The following TMEM229B variants were observed in gnomAD, a reference collection of about 807,000 sequenced individuals.
TMEM229B encodes transmembrane protein 229B.
Under a neutral mutation model 13.7 loss-of-function variants are expected in TMEM229B, and 6 were observed. The ratio of observed to expected loss-of-function variants is 0.44; its 90% CI spans 0.24 to 0.86. TMEM229B has a LOEUF of 0.86. Ranked by LOEUF, TMEM229B falls within the 40% of genes least tolerant of loss-of-function variation. The pLI, the probability that TMEM229B is intolerant of heterozygous loss-of-function variation, is 0.23. For missense variants in TMEM229B, 170 were observed against 236.0 expected (o/e 0.72, Z 1.83); for synonymous variants, 107 against 102.1 (o/e 1.05, Z -0.29).
In TMEM229B at chr14:67,505,845, G is replaced by A. The variant is rs368619701; in HGVS notation, c.-192+9241C>T. ...CATCAGCCTCCCTGGGATTACAGGC[G>A]CCCGCCACCATGCCTATCTAATTTT... On this transcript the variant is annotated intron_variant, in intron 1 of 2. Transcript: ENST00000357461. Among the ~76,000 whole-genome samples the A allele has an allele frequency of 4.6e-5, 7 of 151,944 alleles. No homozygotes were observed. In the East Asian group the frequency reaches 5.8e-4, roughly 13 times the overall value.
chr14:67,503,756 T>C (rs545039653), intron 1 of TMEM229B, among the ~76,000 whole-genome samples: 38 of 152,194 alleles, frequency 2.5e-4, no homozygotes, highest in Admixed American at 3.9e-4. Context: ...CAGGCTGGAG[T>C]ACAGTCGTGC....
At chr14:67,486,006 A>G (rs1404467131) in intron 2 of TMEM229B, among the ~76,000 whole-genome samples, 1 of 152,236 alleles carries the variant, frequency 6.6e-6, no homozygotes, top group Non-Finnish European at 1.5e-5. Flanking sequence ...GCTTCTGGGC[A>G]GAGTCCAGTC....
At chr14:67,511,231 T>C (rs2140240727) in intron 1 of TMEM229B, among the ~76,000 whole-genome samples, 1 of 152,258 alleles carries the variant, frequency 6.6e-6, no homozygotes, top group East Asian at 1.9e-4. Flanking sequence ...GATAATCCAG[T>C]ATGTTCTGAA....
intron 1 of TMEM229B, among the ~76,000 whole-genome samples, chr14:67,532,920 G>A (rs887093619): frequency 6.6e-6 from 1 of 151,806 alleles, no homozygotes; most frequent in African/African-American, 2.4e-5. Flanking sequence ...GCAGATCCCC[G>A]GGGCGCTCTG....
chr14:67,527,323 G>A lies in TMEM229B; in HGVS notation c.-192+6313C>T, dbSNP rs149940072. 8.4e-3 allele frequency among the ~76,000 whole-genome samples: 1,284 copies of A among 152,294 alleles called. 54 individuals carry two copies. The highest frequency in any genetic ancestry group is 0.075 in the Admixed American group (1,151 of 15,294). On this transcript the variant is annotated intron_variant, in intron 1 of 2. Coordinates refer to the TMEM229B transcript ENST00000554278. ...GGAGATAAAAATGGCTTCAGCTCCA[G>A]AGAATTGTGAGAATTAAGATGATTC...
intron 1 of TMEM229B, among the ~76,000 whole-genome samples, chr14:67,497,662 G>A (rs984163997): frequency 1.1e-4 from 16 of 152,168 alleles, no homozygotes; most frequent in African/African-American, 3.9e-4. Flanking sequence ...TTTAACACAT[G>A]CTGAGTTGTC....
intron 2 of TMEM229B, among the ~76,000 whole-genome samples, chr14:67,484,107 CCT>C (rs2031743176): frequency 6.6e-6 from 1 of 152,226 alleles, no homozygotes; most frequent in Admixed American, 6.5e-5. Flanking sequence ...TCCAAAATAG[CCT>C]CTCTGTCACT....
intron 2 of TMEM229B, among the ~76,000 whole-genome samples, chr14:67,485,448 T>C (rs981558618): frequency 6.6e-6 from 1 of 152,138 alleles, no homozygotes; most frequent in Non-Finnish European, 1.5e-5. Context: ...CTACCTAAAG[T>C]GGAAAAAGAC....
chr14:67,491,969 C>G (rs1433755440), upstream of TMEM229B, among the ~76,000 whole-genome samples: 1 of 152,190 alleles, frequency 6.6e-6, no homozygotes, highest in Non-Finnish European at 1.5e-5. Context: ...CTGTCCTTCC[C>G]CTCTGTGCCC....
At chr14:67,526,428 G>A (rs908335588) in intron 1 of TMEM229B, among the ~76,000 whole-genome samples, 1 of 152,262 alleles carries the variant, frequency 6.6e-6, no homozygotes, top group Non-Finnish European at 1.5e-5. Flanking sequence ...TTGGTCTTGT[G>A]CTTTGCACAG....
At chr14:67,493,938 G>A (rs1442898123) in intron 1 of TMEM229B, among the ~76,000 whole-genome samples, 6 of 151,912 alleles carry the variant, frequency 3.9e-5, no homozygotes, top group Admixed American at 3.3e-4. Flanking sequence ...TTGTTCTGGG[G>A]AATCTGTGAC....
intron 1 of TMEM229B, among the ~76,000 whole-genome samples, chr14:67,510,029 A>G (rs1566699873): frequency 1.3e-5 from 2 of 151,278 alleles, no homozygotes; most frequent in East Asian, 1.9e-4. Context: ...TTTTTTATTA[A>G]AAAAAAAAAG....
intron 1 of TMEM229B, among the ~76,000 whole-genome samples, chr14:67,503,087 T>G (rs2140204782): frequency 6.6e-6 from 1 of 152,258 alleles, no homozygotes; most frequent in African/African-American, 2.4e-5. Context: ...AACAAGCAGA[T>G]AGTGGCGCTG....
At chr14:67,474,393 G>C (rs369345035) in intron 2 of TMEM229B, among the ~76,000 whole-genome samples, 2 of 152,212 alleles carry the variant, frequency 1.3e-5, no homozygotes, top group East Asian at 1.9e-4. Flanking sequence ...TCTGTGGTCA[G>C]TTGAAGAGTC....
At chr14:67,520,431 A>G (rs903816888) in intron 1 of TMEM229B, among the ~76,000 whole-genome samples, 1 of 152,216 alleles carries the variant, frequency 6.6e-6, no homozygotes, top group African/African-American at 2.4e-5. Context: ...GTGAAATCAC[A>G]CCATTTAAAG....
At chr14:67,491,936 C>A (rs1469247339), upstream of TMEM229B, among the ~76,000 whole-genome samples, 2 of 152,180 alleles carry the variant, frequency 1.3e-5, no homozygotes, top group Admixed American at 1.3e-4. Context: ...GAGATGGGAG[C>A]CAGGCCCCAA....
At chr14:67,511,761 C>T (rs2033034646) in intron 1 of TMEM229B, among the ~76,000 whole-genome samples, 1 of 152,178 alleles carries the variant, frequency 6.6e-6, no homozygotes, top group Non-Finnish European at 1.5e-5. Flanking sequence ...CATAGGGGAA[C>T]TGATGTTAAA....
At chr14:67,517,594 G>T (rs930375428), upstream of TMEM229B, among the ~76,000 whole-genome samples, 1 of 152,182 alleles carries the variant, frequency 6.6e-6, no homozygotes, top group African/African-American at 2.4e-5. Context: ...GATCTAAGGT[G>T]CAAGGCATGG....
chr14:67,509,639 A>T (rs1395566658), intron 1 of TMEM229B, among the ~76,000 whole-genome samples: 3 of 152,058 alleles, frequency 2.0e-5, no homozygotes, highest in African/African-American at 7.2e-5. Context: ...TTTATGTGTT[A>T]ACCTATACTG....
Sources: allele counts gnomAD v4.1 joint callset (sites outside exome capture counted in the v4.1 genomes callset), GRCh38; gene constraint gnomAD v4.1.1; transcripts MANE v1.5; gene names NCBI Gene and HGNC (gene_info 2026-07-23, HGNC 2026-07-21).